Variants in CCDC62 observed in about 807,000 individuals in gnomAD.
The protein encoded by CCDC62 is coiled-coil domain-containing protein 62.
A neutral mutation model predicts 80.8 loss-of-function variants in CCDC62; 72 were observed. The ratio of observed to expected loss-of-function variants is 0.89; its 90% CI spans 0.74 to 1.08. CCDC62 has a LOEUF of 1.08. Among genes scored for constraint, CCDC62 ranks in the 50% least tolerant of loss-of-function variants. The pLI is 0.00. For synonymous variants in CCDC62, 286 were observed against 296.5 expected (o/e 0.96, Z 0.36); for missense variants, 704 against 809.4 (o/e 0.87, Z 1.58).
rs748269523 is a variant in CCDC62 at position 122,801,516 on chromosome 12, A to G, written c.1370A>G (p.Asp457Gly). The change falls in exon 9 of 13, where the codon GAT becomes GGT. Residue 457 changes from aspartate to glycine, a missense_variant. Physicochemically the swap from Asp to Gly is moderately conservative, Grantham distance 94 (BLOSUM62 -1). Transcript: ENST00000253079. Reference sequence around the variant, plus strand: ...CCCTCAGAAACACCCACTTTATCTGATGAGAAGCAGTGGCATGATGTCAGT... The same window carrying G: ...CCCTCAGAAACACCCACTTTATCTGGTGAGAAGCAGTGGCATGATGTCAGT... ...KQPSETPTLSDEKQWHDVSVY... is the reference protein window; with the variant it reads ...KQPSETPTLSGEKQWHDVSVY... 2.4e-5 allele frequency: 39 copies of G among 1,614,056 alleles called. No individual in the cohort carries two copies. The highest frequency in any genetic ancestry group is 8.5e-7 in the Non-Finnish European group (1 of 1,180,042).
intron 11 of CCDC62, among the ~76,000 whole-genome samples, chr12:122,816,881 G>A (rs1417093186): frequency 6.6e-6 from 1 of 151,882 alleles, no homozygotes; most frequent in Admixed American, 6.6e-5. Context: ...CACCCCAAAA[G>A]GAGACCCCAC....
At position 122,801,369 on chromosome 12, in the gene CCDC62, ACCTCCCT is replaced by A. The variant is rs762362663; in HGVS notation, c.1224_1230del (p.Leu409GlyfsTer60). The A allele has an allele frequency of 2.5e-6, 4 of 1,613,842 alleles. No homozygotes were observed. The highest frequency in any genetic ancestry group is 3.4e-6 in the Non-Finnish European group (4 of 1,179,986). ...ACCAAAGACTTAGTAGAGAAACACA[ACCTCCCT>A]TGGTCTCTGGGAGGAAAAACCCAGA... On this transcript the variant is annotated frameshift_variant, in exon 9 of 13. Transcript: ENST00000253079. LOFTEE classifies it high-confidence loss of function.
chr12:122,794,425 G>T (rs1394384535), intron 6 of CCDC62, among the ~76,000 whole-genome samples: 1 of 152,030 alleles, frequency 6.6e-6, no homozygotes, highest in African/African-American at 2.4e-5. Flanking sequence ...GAACTGCTGG[G>T]CTCAAGAGAT....
At chr12:122,782,798 G>A (rs1446528982) in intron 3 of CCDC62, among the ~76,000 whole-genome samples, 1 of 150,894 alleles carries the variant, frequency 6.6e-6, no homozygotes, top group Non-Finnish European at 1.5e-5. Flanking sequence ...GGCATATTGG[G>A]AATAAAAACT....
In CCDC62 at chr12:122,826,567, A is replaced by G. The variant is rs1173629561; in HGVS notation, c.*186A>G. 1.5e-6 allele frequency: 1 copy of G among 663,190 alleles called. No individual in the cohort carries two copies. The highest frequency in any genetic ancestry group is 2.7e-6 in the Non-Finnish European group (1 of 363,736). The allele number at this position is 663,190 out of a possible 1,614,324, so 41.1% of individuals were successfully genotyped here. ...CTAGAAAGTTAATTTTTAAACATCT[A>G]CACTTCATTTTCAAGTTAACCATTT... is the stretch of plus-strand genomic sequence containing the variant. On this transcript the variant is annotated 3_prime_UTR_variant, in exon 13 of 13. Transcript: ENST00000253079.
chr12:122,800,096 C>T (rs60174680), intron 8 of CCDC62, among the ~76,000 whole-genome samples: 3,473 of 151,570 alleles, frequency 0.023, 123 homozygotes, highest in African/African-American at 0.078. Context: ...TGGGTTCAAG[C>T]GATCCTCTCA....
At chr12:122,806,411 T>TG (rs1566083125) in intron 10 of CCDC62, 116 bp downstream of exon 10, 2 of 690,910 alleles carry the variant, frequency 2.9e-6, no homozygotes, top group African/African-American at 1.8e-5. Flanking sequence ...TCCGTTTTTT[T>TG]TTTTTTTTTT....
chr12:122,816,665 C>A (rs2032178290), intron 11 of CCDC62, among the ~76,000 whole-genome samples: 1 of 152,066 alleles, frequency 6.6e-6, no homozygotes, highest in Admixed American at 6.6e-5. Flanking sequence ...CCTGGGAGGT[C>A]AAGACTGTGG....
At chr12:122,796,202 C>T (rs1045250032) in intron 6 of CCDC62, among the ~76,000 whole-genome samples, 14 of 151,890 alleles carry the variant, frequency 9.2e-5, no homozygotes, top group Admixed American at 2.0e-4. Context: ...CCCCACCGCC[C>T]CCCGACAACC....
At chr12:122,784,072 C>G (rs1253799938) in intron 3 of CCDC62, among the ~76,000 whole-genome samples, 1 of 152,190 alleles carries the variant, frequency 6.6e-6, no homozygotes, top group African/African-American at 2.4e-5. Context: ...CCCCCTCACC[C>G]CTGGTCACAC....
At chr12:122,789,029 C>A in intron 5 of CCDC62, 100 bp downstream of exon 5, 1 of 907,104 alleles carries the variant, frequency 1.1e-6, no homozygotes, top group Non-Finnish European at 1.6e-6. Flanking sequence ...TAGATCAATT[C>A]CTGGCCTTAG....
chr12:122,805,343 CTTTTTTTTTT>C (rs56167273), intron 9 of CCDC62, among the ~76,000 whole-genome samples: 1 of 105,132 alleles, frequency 9.5e-6, no homozygotes, highest in Non-Finnish European at 2.0e-5. Context: ...TGTCTTAATT[CTTTTTTTTTT>C]TTTTTTTTTG....
At chr12:122,806,693 T>G in intron 10 of CCDC62, among the ~76,000 whole-genome samples, 1 of 151,900 alleles carries the variant, frequency 6.6e-6, no homozygotes, top group East Asian at 1.9e-4. Context: ...TTGCCCAGTC[T>G]GGTCTTGAAC....
Position 122,785,588 on chromosome 12 carries a change from A to G in CCDC62, c.397-131A>G, listed in dbSNP as rs543907015. 73 of 687,704 alleles carry G rather than the reference A, an allele frequency of 1.1e-4. No homozygotes were observed. In the African/African-American group the frequency reaches 1.2e-3, roughly 11 times the overall value. The allele number at this position is 687,704 out of a possible 1,614,324, so 42.6% of individuals were successfully genotyped here. On this transcript the variant is annotated intron_variant, in intron 3 of 12. Transcript: ENST00000253079. Reference sequence around the variant, plus strand: ...GCTTTATTAGCCCACTCCATTACCAACTCTTTTTTGTTACTAACGAGTTAA... The same window carrying G: ...GCTTTATTAGCCCACTCCATTACCAGCTCTTTTTTGTTACTAACGAGTTAA...
intron 3 of CCDC62, among the ~76,000 whole-genome samples, chr12:122,784,083 G>A (rs938545841): frequency 2.0e-5 from 3 of 152,068 alleles, no homozygotes; most frequent in South Asian, 2.1e-4. Context: ...CTGGTCACAC[G>A]AATCTTTTTA....
At chr12:122,815,621 C>T (rs1238480609) in intron 11 of CCDC62, among the ~76,000 whole-genome samples, 2 of 151,704 alleles carry the variant, frequency 1.3e-5, no homozygotes, top group African/African-American at 2.4e-5. Context: ...TAATTTTTTG[C>T]ATTTTTTGGT....
rs1437273992 is a variant in CCDC62, at chr12:122,801,135, G to T, written c.989G>T (p.Cys330Phe). 6.2e-7 allele frequency: 1 copy of T among 1,611,026 alleles called. No homozygotes were observed. The highest frequency in any genetic ancestry group is 1.7e-5 in the Admixed American group (1 of 59,144). Residue 330 changes from cysteine (C) to phenylalanine (F), a missense_variant, in exon 9 of 13, where the codon TGT becomes TTT. Physicochemically the swap from Cys to Phe is radical, Grantham distance 205. Coordinates refer to ENST00000253079, the MANE Select transcript of CCDC62 (RefSeq NM_201435.5). ...SKALDSSRDMCLSDLENNHPK... is the reference protein window; with the variant it reads ...SKALDSSRDMFLSDLENNHPK... The stretch of plus-strand genomic sequence containing the variant: ...TAATGCCACCATAGCAGAGACATGT[G>T]TTTATCAGACCTTGAAAATAACCAC...
In CCDC62 at chr12:122,785,877, T is replaced by A; in HGVS notation, c.498+57T>A. On this transcript the variant is annotated intron_variant, in intron 4 of 12. Coordinates refer to ENST00000253079, the MANE Select transcript of CCDC62 (RefSeq NM_201435.5). ...AGAGTGCTTGGTAGTTATATCCATA[T>A]TCATTATCTTACCTAAGTCGCTAGG... 3 of 1,148,288 alleles carry A rather than the reference T, an allele frequency of 2.6e-6. No homozygotes were observed. The South Asian group carries it at 3.7e-5, about 14-fold the overall frequency. The allele number at this position is 1,148,288 out of a possible 1,614,324, so 71.1% of individuals were successfully genotyped here. A position where few individuals can be genotyped will look rare whatever the true frequency, so the allele number is the denominator to read the frequency against.
At chr12:122,806,960 C>G (rs1180613495) in intron 10 of CCDC62, among the ~76,000 whole-genome samples, 1 of 152,086 alleles carries the variant, frequency 6.6e-6, no homozygotes, top group African/African-American at 2.4e-5. Flanking sequence ...AATACACAAC[C>G]CCTGGCAGTG....
Sources: gnomAD v4.1 joint callset for allele counts (sites outside exome capture counted in the v4.1 genomes callset) on GRCh38, gnomAD v4.1.1 for gene constraint, MANE v1.5 for transcripts, NCBI Gene and HGNC (gene_info 2026-07-23, HGNC 2026-07-21) for gene names.